The following PLCXD3 variants were observed in gnomAD, a reference collection of about 807,000 sequenced individuals.
The protein encoded by PLCXD3 is phosphatidylinositol specific phospholipase C X domain containing 3, also known as PI-PLC X domain-containing protein 3.
In PLCXD3, 19 loss-of-function variants were observed where a neutral mutation model predicts 25.5. The observed-to-expected ratio is 0.75, with a 90% CI of 0.52 to 1.09. The LOEUF is 1.09. Among genes scored for constraint, PLCXD3 ranks in the 50% least tolerant of loss-of-function variants. The pLI, the probability that PLCXD3 is intolerant of heterozygous loss-of-function variation, is 0.00. For missense variants in PLCXD3, 411 were observed against 388.1 expected, an observed-to-expected ratio of 1.06 and a Z score of -0.50; for synonymous variants, 174 against 137.6, an observed-to-expected ratio of 1.26 and a Z score of -1.85.
chr5:41,442,650 CTA>C (rs373264957), intron 1 of PLCXD3, among the ~76,000 whole-genome samples: 162 of 152,294 alleles, frequency 1.1e-3, no homozygotes, highest in African/African-American at 3.7e-3. Flanking sequence ...AGTAAGCAAA[CTA>C]AGCAAGGTTA....
intron 2 of PLCXD3, among the ~76,000 whole-genome samples, chr5:41,347,934 T>A (rs914385117): frequency 6.6e-6 from 1 of 152,240 alleles, no homozygotes; most frequent in Admixed American, 6.5e-5. Flanking sequence ...TGAATCAGTC[T>A]CTGTCATAGG....
intron 2 of PLCXD3, among the ~76,000 whole-genome samples, chr5:41,335,620 G>A (rs952443807): frequency 1.3e-5 from 2 of 152,078 alleles, no homozygotes; most frequent in Non-Finnish European, 2.9e-5. Flanking sequence ...GAGAGAAATA[G>A]GGAAATAGGT....
At chr5:41,365,678 T>C (rs1235735400) in intron 2 of PLCXD3, among the ~76,000 whole-genome samples, 1 of 152,166 alleles carries the variant, frequency 6.6e-6, no homozygotes, top group Non-Finnish European at 1.5e-5. Flanking sequence ...TTTGGTCTAC[T>C]TCAAAGAAAT....
At chr5:41,426,292 T>C (rs1482516456) in intron 1 of PLCXD3, among the ~76,000 whole-genome samples, 1 of 151,576 alleles carries the variant, frequency 6.6e-6, no homozygotes, top group Non-Finnish European at 1.5e-5. Flanking sequence ...TTTATTTTAA[T>C]AGAGTTGTTT....
chr5:41,501,386 T>C (rs1209228484), intron 1 of PLCXD3, among the ~76,000 whole-genome samples: 1 of 152,080 alleles, frequency 6.6e-6, no homozygotes, highest in Non-Finnish European at 1.5e-5. Context: ...TGTCATATGC[T>C]ACCACATGGG....
intron 2 of PLCXD3, among the ~76,000 whole-genome samples, chr5:41,326,022 C>T (rs1026362572): frequency 2.6e-5 from 4 of 152,188 alleles, no homozygotes; most frequent in African/African-American, 9.7e-5. Flanking sequence ...CCCTCACAAC[C>T]TAATCGCCTC....
At chr5:41,507,335 G>A (rs1749069642) in intron 1 of PLCXD3, among the ~76,000 whole-genome samples, 1 of 152,184 alleles carries the variant, frequency 6.6e-6, no homozygotes, top group African/African-American at 2.4e-5. Context: ...ATCAGAGAGA[G>A]AAGGAAATAA....
intron 2 of PLCXD3, among the ~76,000 whole-genome samples, chr5:41,375,621 T>A (rs1314218419): frequency 6.6e-6 from 1 of 152,018 alleles, no homozygotes. Flanking sequence ...CCTTAGGGGG[T>A]TCCATGCTAA....
At chr5:41,363,807 C>T (rs1728478520) in intron 2 of PLCXD3, among the ~76,000 whole-genome samples, 1 of 152,190 alleles carries the variant, frequency 6.6e-6, no homozygotes, top group South Asian at 2.1e-4. Flanking sequence ...TTCAGTATCA[C>T]TTGGATAAAT....
chr5:41,320,775 C>T (rs1035622282), intron 2 of PLCXD3, among the ~76,000 whole-genome samples: 6 of 152,198 alleles, frequency 3.9e-5, no homozygotes, highest in African/African-American at 7.2e-5. Flanking sequence ...GGATTACAGG[C>T]GTGAGCCACT....
chr5:41,490,338 A>C (rs1340685984), intron 1 of PLCXD3, among the ~76,000 whole-genome samples: 1 of 152,194 alleles, frequency 6.6e-6, no homozygotes, highest in Non-Finnish European at 1.5e-5. Flanking sequence ...TCAGTTTGCC[A>C]GTATTTTATT....
chr5:41,326,702 C>T (rs1743637553), intron 2 of PLCXD3, among the ~76,000 whole-genome samples: 1 of 152,098 alleles, frequency 6.6e-6, no homozygotes, highest in African/African-American at 2.4e-5. Flanking sequence ...GAGTGAAGAT[C>T]CTTTTTCTTT....
In PLCXD3 at chr5:41,371,943, T is replaced by C. The variant is rs1004709190; in HGVS notation, c.812+9883A>G. ...TCATTCATCTACTGATATCTCATGA[T>C]ATGGTTCATTTGAAATTCCAAACGA... On this transcript the variant is annotated intron_variant, in intron 2 of 2. Coordinates refer to ENST00000377801, the MANE Select transcript of PLCXD3 (RefSeq NM_001005473.3). 6.6e-5 allele frequency among the ~76,000 whole-genome samples: 10 copies of C among 152,296 alleles called. No homozygotes were observed. In the East Asian group the frequency reaches 1.9e-3, roughly 29 times the overall value.
intron 1 of PLCXD3, among the ~76,000 whole-genome samples, chr5:41,419,909 A>T (rs1298163241): frequency 6.6e-6 from 1 of 152,232 alleles, no homozygotes; most frequent in East Asian, 1.9e-4. Flanking sequence ...GATTATTGTT[A>T]GAAAATTATT....
chr5:41,338,742 T>G (rs1478588887), intron 2 of PLCXD3, among the ~76,000 whole-genome samples: 1 of 152,164 alleles, frequency 6.6e-6, no homozygotes, highest in East Asian at 1.9e-4. Flanking sequence ...GATATTCACA[T>G]AACCACACCA....
intron 1 of PLCXD3, among the ~76,000 whole-genome samples, chr5:41,499,492 A>G (rs1242002319): frequency 2.0e-5 from 3 of 151,828 alleles, no homozygotes; most frequent in Admixed American, 2.0e-4. Flanking sequence ...AAGAAATTAA[A>G]GAACACGCAA....
At chr5:41,499,720 C>T (rs139283236) in intron 1 of PLCXD3, among the ~76,000 whole-genome samples, 11 of 151,924 alleles carry the variant, frequency 7.2e-5, no homozygotes, top group African/African-American at 2.2e-4. Context: ...GGAGGCCTCA[C>T]ACCTTCTGAT....
Position 41,335,523 on chromosome 5 carries a change from G to GTA in PLCXD3, c.813-21755_813-21754dup, listed in dbSNP as rs564170661. Among the ~76,000 whole-genome samples the GTA allele has an allele frequency of 2.0e-3, 310 of 152,178 alleles. 1 individual carries two copies. The highest frequency in any genetic ancestry group is 3.9e-3 in the Non-Finnish European group (267 of 67,998). ...CCTACTGCTGATTGGAAGTTCTAGCGTATTCTGTGTGTCTTTAATTTTAGC... is the reference window on the plus strand; with the variant it reads ...CCTACTGCTGATTGGAAGTTCTAGCGTATATTCTGTGTGTCTTTAATTTTAGC... On this transcript the variant is annotated intron_variant, in intron 2 of 2. Coordinates refer to ENST00000377801, the MANE Select transcript of PLCXD3 (RefSeq NM_001005473.3).
At chr5:41,315,325 G>A (rs1343799659) in intron 2 of PLCXD3, among the ~76,000 whole-genome samples, 1 of 151,728 alleles carries the variant, frequency 6.6e-6, no homozygotes. Context: ...AGAGGGAGAG[G>A]GAGAGAAAAG....
Sources: allele counts gnomAD v4.1 joint callset (sites outside exome capture counted in the v4.1 genomes callset), GRCh38; gene constraint gnomAD v4.1.1; transcripts MANE v1.5; gene names NCBI Gene and HGNC (gene_info 2026-07-23, HGNC 2026-07-21).